The following CELF4 variants were observed in gnomAD, a reference collection of about 807,000 sequenced individuals.
CELF4 encodes CUGBP Elav-like family member 4, also known as CUG-BP- and ETR-3-like factor 4.
CELF4 carries 18 observed loss-of-function variants against 59.9 expected under a neutral mutation model. The ratio of observed to expected loss-of-function variants is 0.30; its 90% CI spans 0.21 to 0.45. The LOEUF (loss-of-function observed/expected upper bound fraction) is 0.45, where lower values mean the gene tolerates loss of function less well. CELF4 is among the 20% of genes least tolerant of loss of function. The pLI is 1.00. For missense variants in CELF4, 456 were observed against 689.0 expected, an observed-to-expected ratio of 0.66 and a Z score of 3.79; for synonymous variants, 261 against 267.1, an observed-to-expected ratio of 0.98 and a Z score of 0.22.
At chr18:37,396,572 C>T (rs2099248224) in intron 2 of CELF4, among the ~76,000 whole-genome samples, 1 of 152,164 alleles carries the variant, frequency 6.6e-6, no homozygotes, top group Non-Finnish European at 1.5e-5. Flanking sequence ...CAGCTGTGTC[C>T]TCTGCACTAA....
intron 1 of CELF4, among the ~76,000 whole-genome samples, chr18:37,500,029 G>T (rs1356492036): frequency 6.6e-6 from 1 of 152,218 alleles, no homozygotes; most frequent in Non-Finnish European, 1.5e-5. Context: ...GTTGAGTAAG[G>T]CTGGGGAGCC....
intron 2 of CELF4, among the ~76,000 whole-genome samples, chr18:37,469,258 T>C (rs998555551): frequency 6.6e-6 from 1 of 152,168 alleles, no homozygotes; most frequent in African/African-American, 2.4e-5. Context: ...CATCTACTTG[T>C]AGCTGCATGG....
intron 2 of CELF4, among the ~76,000 whole-genome samples, chr18:37,390,582 G>C (rs2099148395): frequency 6.6e-6 from 1 of 152,080 alleles, no homozygotes; most frequent in Non-Finnish European, 1.5e-5. Flanking sequence ...GGGTGGAGGG[G>C]GCTTGGCAAC....
intron 1 of CELF4, among the ~76,000 whole-genome samples, chr18:37,489,858 G>A (rs2099895100): frequency 6.6e-6 from 1 of 152,142 alleles, no homozygotes; most frequent in African/African-American, 2.4e-5. Context: ...CATCCTTCCT[G>A]GGGATGTGGC....
intron 2 of CELF4, among the ~76,000 whole-genome samples, chr18:37,331,242 T>C (rs2097532507): frequency 6.6e-6 from 1 of 152,146 alleles, no homozygotes; most frequent in Admixed American, 6.5e-5. Flanking sequence ...TGCAGACATG[T>C]CTCACCATCT....
At chr18:37,520,873 T>G (rs2099956553) in intron 1 of CELF4, among the ~76,000 whole-genome samples, 1 of 152,116 alleles carries the variant, frequency 6.6e-6, no homozygotes, top group Admixed American at 6.5e-5. Context: ...GCTTCAGGCT[T>G]TGGAATGCAG....
chr18:37,255,633 G>A (rs1053942997), intron 11 of CELF4, among the ~76,000 whole-genome samples: 4 of 151,720 alleles, frequency 2.6e-5, no homozygotes, highest in African/African-American at 9.7e-5. Flanking sequence ...GTCAAGTTAC[G>A]TCAAGTAAAA....
intron 2 of CELF4, among the ~76,000 whole-genome samples, chr18:37,393,006 G>T (rs1435070657): frequency 2.0e-5 from 3 of 152,204 alleles, no homozygotes; most frequent in Non-Finnish European, 2.9e-5. Context: ...GCCCAGCATG[G>T]GGCCTGACAC....
chr18:37,536,552 C>T (rs2099973692), intron 1 of CELF4, among the ~76,000 whole-genome samples: 1 of 152,180 alleles, frequency 6.6e-6, no homozygotes, highest in South Asian at 2.1e-4. Context: ...ACGTTTTTGC[C>T]TAATCTGAGC....
At chr18:37,358,523 A>C (rs961391606) in intron 2 of CELF4, among the ~76,000 whole-genome samples, 4 of 152,228 alleles carry the variant, frequency 2.6e-5, no homozygotes, top group Non-Finnish European at 5.9e-5. Flanking sequence ...ATATGGCTAC[A>C]GCAGGACATG....
At chr18:37,262,538 C>A (rs1051241801) in intron 10 of CELF4, among the ~76,000 whole-genome samples, 1 of 152,146 alleles carries the variant, frequency 6.6e-6, no homozygotes, top group Non-Finnish European at 1.5e-5. Context: ...CAGTTTAAGG[C>A]CTGCAGTAGG....
intron 2 of CELF4, among the ~76,000 whole-genome samples, chr18:37,378,604 G>A (rs2098999379): frequency 6.6e-6 from 1 of 152,184 alleles, no homozygotes; most frequent in South Asian, 2.1e-4. Context: ...AGCATTCATT[G>A]CCATGAAATA....
rs115868370 is a variant in CELF4 at position 37,265,868 on chromosome 18, T to C, written c.1165+665A>G. On this transcript the variant is annotated intron_variant, in intron 9 of 12. Transcript: ENST00000420428. ...GAGAGACCCTGATCAGGTCAGGCAGTAGGACACAGGCTAGGCAGGGATGAT... is the reference window on the plus strand; with the variant it reads ...GAGAGACCCTGATCAGGTCAGGCAGCAGGACACAGGCTAGGCAGGGATGAT... Among the ~76,000 whole-genome samples, 786 of 152,200 alleles carry C rather than the reference T, an allele frequency of 5.2e-3. 7 individuals are homozygous for C. The highest frequency in any genetic ancestry group is 0.018 in the African/African-American group (749 of 41,532).
At chr18:37,503,841 G>T (rs1049193048) in intron 1 of CELF4, among the ~76,000 whole-genome samples, 1 of 152,290 alleles carries the variant, frequency 6.6e-6, no homozygotes. Context: ...CAAGGTCCCT[G>T]TTCCATTTAC....
At chr18:37,297,878 C>A (rs2095755748) in intron 3 of CELF4, among the ~76,000 whole-genome samples, 2 of 151,740 alleles carry the variant, frequency 1.3e-5, no homozygotes, top group African/African-American at 4.9e-5. Flanking sequence ...GGCCCAGATG[C>A]CAGACCCTGT....
chr18:37,526,711 A>G (rs2047043298), intron 1 of CELF4, among the ~76,000 whole-genome samples: 1 of 152,190 alleles, frequency 6.6e-6, no homozygotes, highest in African/African-American at 2.4e-5. Context: ...GTCCTTCTTG[A>G]CAAAGGTATT....
At chr18:37,271,545 C>T (rs760550044) in intron 7 of CELF4, among the ~76,000 whole-genome samples, 19 of 152,166 alleles carry the variant, frequency 1.2e-4, no homozygotes, top group Non-Finnish European at 2.1e-4. Context: ...CATGAGCCAC[C>T]GTACCTGGCC....
chr18:37,292,171 A>T (rs1343242622), intron 3 of CELF4, among the ~76,000 whole-genome samples: 2 of 100,238 alleles, frequency 2.0e-5, no homozygotes, highest in Non-Finnish European at 3.6e-5. Context: ...ACTGTGAGAA[A>T]TCGATTTATT....
intron 2 of CELF4, among the ~76,000 whole-genome samples, chr18:37,368,919 TGTGTG>T (rs2098823021): frequency 6.6e-6 from 1 of 152,168 alleles, no homozygotes; most frequent in South Asian, 2.1e-4. Flanking sequence ...TTGGGGGAGA[TGTGTG>T]GTCCTGGTGC....
Sources: gnomAD v4.1 joint callset for allele counts (sites outside exome capture counted in the v4.1 genomes callset) on GRCh38, gnomAD v4.1.1 for gene constraint, MANE v1.5 for transcripts, NCBI Gene and HGNC (gene_info 2026-07-23, HGNC 2026-07-21) for gene names.